Variants in SIPA1L1 observed in about 807,000 individuals in gnomAD.
SIPA1L1 encodes the protein signal-induced proliferation-associated 1-like protein 1.
In SIPA1L1, 26 loss-of-function variants were observed where a neutral mutation model predicts 162.7. The observed-to-expected ratio is 0.16, with a 90% CI of 0.12 to 0.22. The LOEUF (loss-of-function observed/expected upper bound fraction) is 0.22, where lower values mean the gene tolerates loss of function less well. Ranked by LOEUF, SIPA1L1 falls within the 10% of genes least tolerant of loss-of-function variation. The pLI is 1.00. For missense variants in SIPA1L1, 1,874 were observed against 2,241.0 expected (o/e 0.84, Z 3.31); for synonymous variants, 829 against 837.4 (o/e 0.99, Z 0.17).
At chr14:71,561,761 A>AT (rs2056813961) in intron 4 of SIPA1L1, among the ~76,000 whole-genome samples, 1 of 152,112 alleles carries the variant, frequency 6.6e-6, no homozygotes, top group African/African-American at 2.4e-5. Context: ...CTAATTTTGT[A>AT]TTTTTAGTAG....
At chr14:71,400,180 T>A (rs193188861) in intron 2 of SIPA1L1, among the ~76,000 whole-genome samples, 1 of 152,226 alleles carries the variant, frequency 6.6e-6, no homozygotes, top group Admixed American at 6.5e-5. Context: ...TATCTTCTTG[T>A]CATCTTAATA....
intron 4 of SIPA1L1, among the ~76,000 whole-genome samples, chr14:71,532,811 A>G (rs1363801833): frequency 6.6e-6 from 1 of 152,138 alleles, no homozygotes; most frequent in Non-Finnish European, 1.5e-5. Flanking sequence ...TTCTGATCTC[A>G]TGGGTCAGTT....
rs201655830 is a variant in SIPA1L1, at chr14:71,499,178, A to C, written c.-464-13565A>C. On this transcript the variant is annotated intron_variant, in intron 2 of 23. Transcript: ENST00000381232. ...AATAAAACTTGATTAGTAGATTGTT[A>C]GTTTAATCAAAGATTATAAAAATAG... 7.2e-5 allele frequency among the ~76,000 whole-genome samples: 11 copies of C among 152,326 alleles called. No homozygotes were observed. In the East Asian group the frequency reaches 1.7e-3, roughly 24 times the overall value.
chr14:71,377,629 T>C lies in SIPA1L1; in HGVS notation c.-465+56448T>C, dbSNP rs2039525291. Among the ~76,000 whole-genome samples the C allele has an allele frequency of 1.3e-5, 2 of 152,118 alleles. No homozygotes were observed. The highest frequency in any genetic ancestry group is 1.5e-5 in the Non-Finnish European group (1 of 68,006). ...ACTTTGGGAGGCCAAGGCAGGCGGCTGGGAGGTGGAGGTTGTAGCGAGCTG... is the reference window on the plus strand; with the variant it reads ...ACTTTGGGAGGCCAAGGCAGGCGGCCGGGAGGTGGAGGTTGTAGCGAGCTG... On this transcript the variant is annotated intron_variant, in intron 2 of 23. Coordinates refer to ENST00000381232, the MANE Select transcript of SIPA1L1 (RefSeq NM_001386936.1). This position sits in a 1 kb window ranked among gnomAD's most constrained non-coding sequence, Gnocchi z 4.8.
In SIPA1L1 at chr14:71,398,008, A is replaced by ATTTTT. The variant is rs1157130958; in HGVS notation, c.-465+76827_-465+76828insTTTTT. 6.3e-4 allele frequency among the ~76,000 whole-genome samples: 56 copies of ATTTTT among 88,700 alleles called. 1 individual carries two copies. The highest frequency in any genetic ancestry group is 1.2e-3 in the African/African-American group (25 of 21,522). The allele number at this position is 88,700 out of a possible 152,430, so 58.2% of individuals were successfully genotyped here. On this transcript the variant is annotated intron_variant, in intron 2 of 23. Transcript: ENST00000381232. ...CTGGAATTAAATAACCAAAAAAAAA[A>ATTTTT]ATTTTTTTTTTTTTTTTTTTTTTTT...
chr14:71,402,238 A>C (rs2041720117), intron 2 of SIPA1L1, among the ~76,000 whole-genome samples: 1 of 152,144 alleles, frequency 6.6e-6, no homozygotes, highest in Non-Finnish European at 1.5e-5. Flanking sequence ...AAATTAACTT[A>C]TTATTGAGAG....
chr14:71,366,475 C>T (rs778788682), intron 2 of SIPA1L1, among the ~76,000 whole-genome samples: 8 of 152,066 alleles, frequency 5.3e-5, no homozygotes, highest in Non-Finnish European at 8.8e-5. Context: ...CTCGCTCTGA[C>T]GCCCAGGCTG....
At chr14:71,409,393 G>C (rs1025883982) in intron 2 of SIPA1L1, among the ~76,000 whole-genome samples, 19 of 152,258 alleles carry the variant, frequency 1.2e-4, no homozygotes, top group African/African-American at 4.3e-4. Flanking sequence ...AGAGAGACTG[G>C]CTCTTTCTGA....
At chr14:71,340,209 A>G (rs1259348922) in intron 2 of SIPA1L1, among the ~76,000 whole-genome samples, 1 of 151,778 alleles carries the variant, frequency 6.6e-6, no homozygotes, top group Admixed American at 6.6e-5. Flanking sequence ...TTTATTATTC[A>G]TTCATGTTGT....
chr14:71,347,402 A>G (rs1438015785), intron 2 of SIPA1L1, among the ~76,000 whole-genome samples: 3 of 152,012 alleles, frequency 2.0e-5, no homozygotes, highest in Non-Finnish European at 4.4e-5. Context: ...TCATCAGTTG[A>G]TGGACACTTG....
At chr14:71,492,952 C>T (rs1279448687) in intron 2 of SIPA1L1, among the ~76,000 whole-genome samples, 1 of 151,936 alleles carries the variant, frequency 6.6e-6, no homozygotes, top group Non-Finnish European at 1.5e-5. Context: ...ATACATTTAC[C>T]TCCTTTTTTG....
At chr14:71,440,337 T>C (rs1354418143) in intron 2 of SIPA1L1, among the ~76,000 whole-genome samples, 2 of 152,046 alleles carry the variant, frequency 1.3e-5, no homozygotes, top group Non-Finnish European at 2.9e-5. Flanking sequence ...TCTAAACTTG[T>C]AGCATAAGTA....
At position 71,723,839 on chromosome 14, in the gene SIPA1L1, A is replaced by G. The variant is rs373057649; in HGVS notation, c.4401A>G (p.Lys1467=). Residue 1467 remains lysine, a synonymous_variant, in exon 18 of 24, where the codon AAA becomes AAG. Coordinates refer to ENST00000381232, the MANE Select transcript of SIPA1L1 (RefSeq NM_001386936.1). ...CTAGCAAGTACCTGATTGGATGGAA[A>G]AAACCCGAAGGAACCATAAACTCCG... ...GATSKYLIGW[K]KPEGTINSVG... 1.2e-6 allele frequency: 2 copies of G among 1,614,230 alleles called. No individual in the cohort carries two copies. Among genetic ancestry groups the G allele is most frequent in the Non-Finnish European group, 1.7e-6 (2 of 1,180,044 alleles).
chr14:71,330,773 A>G lies in SIPA1L1; in HGVS notation c.-465+9592A>G, dbSNP rs28675017. ...TGGCTGTCTATCTCGGGCAAGGCCC[A>G]GTGGGCTGTCCCTGACGACCTCAGG... On this transcript the variant is annotated intron_variant, in intron 2 of 23. Transcript: ENST00000381232. 771 of 761,054 alleles carry G rather than the reference A, an allele frequency of 1.0e-3. 6 individuals are homozygous for G. The African/African-American group carries it at 0.012, about 11-fold the overall frequency. 47.1% of individuals were successfully genotyped at this position (761,054 alleles called of 1,614,324 possible).
intron 4 of SIPA1L1, among the ~76,000 whole-genome samples, chr14:71,567,808 T>A (rs894329282): frequency 1.7e-4 from 26 of 149,846 alleles, no homozygotes; most frequent in African/African-American, 5.2e-4. Flanking sequence ...TTCTTGATTA[T>A]ATACTAAACA....
At chr14:71,704,872 C>T (rs1040404825) in intron 15 of SIPA1L1, 20 of 830,282 alleles carry the variant, frequency 2.4e-5, no homozygotes, top group Admixed American at 8.6e-5. Context: ...GTTAGCCACA[C>T]TTGGCAATGA....
intron 7 of SIPA1L1, among the ~76,000 whole-genome samples, chr14:71,630,436 T>C (rs2040454074): frequency 6.6e-6 from 1 of 152,194 alleles, no homozygotes; most frequent in East Asian, 1.9e-4. Flanking sequence ...GACATGCGGC[T>C]GTGGTAGGAC....
intron 5 of SIPA1L1, among the ~76,000 whole-genome samples, chr14:71,615,408 T>A (rs2038718333): frequency 6.6e-6 from 1 of 152,174 alleles, no homozygotes; most frequent in African/African-American, 2.4e-5. Flanking sequence ...TTTAGAAGGG[T>A]CATCTGGCAG....
chr14:71,430,368 G>A (rs1479551623), intron 2 of SIPA1L1, among the ~76,000 whole-genome samples: 2 of 152,020 alleles, frequency 1.3e-5, no homozygotes, highest in African/African-American at 4.8e-5. Flanking sequence ...AGAAGCTTTG[G>A]TTTTTGAAGT....
Sources: allele counts gnomAD v4.1 joint callset (sites outside exome capture counted in the v4.1 genomes callset), GRCh38; gene constraint gnomAD v4.1.1; non-coding constraint Gnocchi (gnomAD v3.1); transcripts MANE v1.5; gene names NCBI Gene and HGNC (gene_info 2026-07-23, HGNC 2026-07-21).